EEA1: variants seen among roughly 807,000 people sequenced by gnomAD.
EEA1 encodes early endosome antigen 1, 162kD.
A neutral mutation model predicts 209.2 loss-of-function variants in EEA1; 111 were observed. The observed-to-expected ratio is 0.53, with a 90% confidence interval of 0.45 to 0.62. The LOEUF (loss-of-function observed/expected upper bound fraction) is 0.62. EEA1 is among the 20% of genes least tolerant of loss of function. The probability of loss-of-function intolerance (pLI) is 0.00; values close to 1 mark genes in which losing one functional copy is unlikely to be tolerated. For synonymous variants in EEA1, 536 were observed against 540.6 expected (o/e 0.99, Z 0.12); for missense variants, 1,343 against 1,530.8 (o/e 0.88, Z 2.05).
At chr12:92,886,795 G>T (rs1401511630) in intron 2 of EEA1, among the ~76,000 whole-genome samples, 1 of 151,926 alleles carries the variant, frequency 6.6e-6, no homozygotes, top group Non-Finnish European at 1.5e-5. Context: ...TCAGGAGATC[G>T]AGACCATCCT....
In EEA1 at chr12:92,811,869, A is replaced by T. The variant is rs189220131; in HGVS notation, c.2044-435T>A. 4.2e-3 allele frequency among the ~76,000 whole-genome samples: 636 copies of T among 152,052 alleles called. 4 individuals are homozygous for T. The highest frequency in any genetic ancestry group is 0.013 in the African/African-American group (558 of 41,500). Reference sequence around the variant, plus strand: ...GAATATCCAGTTGCACAAAAAAAAAAAAATAAAATAAAAATTACTAGTAAA... The same window carrying T: ...GAATATCCAGTTGCACAAAAAAAAATAAATAAAATAAAAATTACTAGTAAA... On this transcript the variant is annotated intron_variant, in intron 16 of 28. Transcript: ENST00000322349.
chr12:92,908,695 T>C (rs1880470204), intron 1 of EEA1, among the ~76,000 whole-genome samples: 1 of 152,200 alleles, frequency 6.6e-6, no homozygotes, highest in African/African-American at 2.4e-5. Flanking sequence ...TATTTATGTA[T>C]ATTTTAGCAA....
At chr12:92,792,839 T>C (rs1194444294) in intron 21 of EEA1, among the ~76,000 whole-genome samples, 2 of 152,164 alleles carry the variant, frequency 1.3e-5, no homozygotes, top group Non-Finnish European at 2.9e-5. Flanking sequence ...AAAAGAGAAT[T>C]TGAGGTCAAT....
At chr12:92,897,206 T>C (rs1879921737) in intron 1 of EEA1, among the ~76,000 whole-genome samples, 1 of 152,204 alleles carries the variant, frequency 6.6e-6, no homozygotes, top group East Asian at 1.9e-4. Flanking sequence ...CCCTTTGACC[T>C]TTCCTTTGAC....
At chr12:92,917,737 C>A (rs1404191950) in intron 1 of EEA1, among the ~76,000 whole-genome samples, 2 of 130,304 alleles carry the variant, frequency 1.5e-5, no homozygotes, top group Admixed American at 8.0e-5. Context: ...CAAATTCACA[C>A]ATAACAATAT....
chr12:92,811,448 C>A lies in EEA1; in HGVS notation c.2044-14G>T. 1 of 1,515,316 alleles carries A rather than the reference C, an allele frequency of 6.6e-7. No homozygotes were observed. The highest frequency in any genetic ancestry group is 8.8e-7 in the Non-Finnish European group (1 of 1,137,304). The allele number at this position is 1,515,316 out of a possible 1,614,324, so 93.9% of individuals were successfully genotyped here. ...CTTATTTAACTCCTTTAGAAAAGTA[C>A]AATTGAAGAAAACTTTGGTAAGGTT... On this transcript the variant is annotated splice_polypyrimidine_tract_variant and intron_variant, in intron 16 of 28. Coordinates refer to ENST00000322349, the MANE Select transcript of EEA1 (RefSeq NM_003566.4).
At chr12:92,810,170 T>C (rs980340969) in intron 17 of EEA1, among the ~76,000 whole-genome samples, 2 of 152,202 alleles carry the variant, frequency 1.3e-5, no homozygotes, top group African/African-American at 4.8e-5. Flanking sequence ...TATAAACTGA[T>C]TGGTATCTGT....
chr12:92,776,978 T>C, intron 27 of EEA1, 36 bp from the exon 28 acceptor site: 1 of 1,591,218 alleles, frequency 6.3e-7, no homozygotes, highest in Non-Finnish European at 8.6e-7. Context: ...ATTATAGTAT[T>C]CAACATTTTA....
At position 92,807,308 on chromosome 12, in the gene EEA1, G is replaced by A. The variant is rs556255854; in HGVS notation, c.2339+1709C>T. 4.6e-5 allele frequency among the ~76,000 whole-genome samples: 7 copies of A among 152,126 alleles called. No homozygotes were observed. In the South Asian group the frequency reaches 1.2e-3, roughly 27 times the overall value. On this transcript the variant is annotated intron_variant, in intron 18 of 28. Coordinates refer to ENST00000322349, the MANE Select transcript of EEA1 (RefSeq NM_003566.4). ...AGGTAATGTCTTCAATCTGATAAAG[G>A]GAATCTCAGAAAAACCTACAGCTAA...
intron 17 of EEA1, 37 bp downstream of exon 17, chr12:92,811,242 A>G (rs201979835): frequency 3.0e-6 from 4 of 1,340,888 alleles, no homozygotes; most frequent in African/African-American, 3.0e-5. Context: ...CTACTGAAGT[A>G]GAAAATATGA....
chr12:92,832,926 G>T, intron 10 of EEA1, 76 bp from the exon 11 acceptor site: 1 of 1,053,764 alleles, frequency 9.5e-7, no homozygotes, highest in Non-Finnish European at 1.3e-6. Context: ...AATCTTTGGA[G>T]CAGTACTGTC....
intron 2 of EEA1, among the ~76,000 whole-genome samples, chr12:92,886,389 AG>A (rs1879388977): frequency 5.4e-5 from 1 of 18,534 alleles, no homozygotes; most frequent in Non-Finnish European, 9.9e-5. Flanking sequence ...AGGCGAGGAG[AG>A]GGGAGGGGAG....
At chr12:92,787,232 G>A (rs1874174310) in intron 22 of EEA1, among the ~76,000 whole-genome samples, 1 of 152,020 alleles carries the variant, frequency 6.6e-6, no homozygotes, top group African/African-American at 2.4e-5. Flanking sequence ...AAAAAAACTG[G>A]CTGAATCCTC....
chr12:92,781,958 T>C lies in EEA1; in HGVS notation c.3328A>G (p.Lys1110Glu). The part of the protein sequence containing the change: ...ERCKALQDIQ[K>E]EKSLKEKELV... ...TCAGAAACATGCAATACCTTTTCTT[T>C]CTGAATGTCTTGTAGTGCTTTACAT... The change falls in exon 23 of 29, where the codon AAA becomes GAA. Residue 1110 changes from lysine to glutamate, a missense_variant. Lys to Glu is a moderately conservative substitution (Grantham distance 56). Transcript: ENST00000322349. The C allele has an allele frequency of 6.2e-7, 1 of 1,605,442 alleles. No homozygotes were observed.
intron 3 of EEA1, chr12:92,858,421 C>T (rs1303485791): frequency 1.6e-6 from 2 of 1,220,948 alleles, no homozygotes; most frequent in Admixed American, 3.4e-5. Flanking sequence ...GAGCAACAGT[C>T]ACCAGATATT....
chr12:92,898,496 T>C (rs781067975), intron 1 of EEA1, among the ~76,000 whole-genome samples: 10 of 151,958 alleles, frequency 6.6e-5, no homozygotes, highest in Non-Finnish European at 1.3e-4. Context: ...AAACCTCATC[T>C]CTACTAAAAA....
At chr12:92,850,713 A>AG (rs1001992701) in intron 9 of EEA1, among the ~76,000 whole-genome samples, 21 of 150,872 alleles carry the variant, frequency 1.4e-4, no homozygotes, top group African/African-American at 5.1e-4. Context: ...AAAAAAAAAA[A>AG]AAAGAAATAA....
intron 9 of EEA1, among the ~76,000 whole-genome samples, chr12:92,843,925 T>C (rs1877285811): frequency 6.6e-6 from 1 of 152,116 alleles, no homozygotes; most frequent in African/African-American, 2.4e-5. Context: ...CATTGGCTGA[T>C]CTTCTTTTGG....
intron 21 of EEA1, 88 bp downstream of exon 21, chr12:92,798,804 G>T (rs949744988): frequency 1.0e-5 from 10 of 1,003,616 alleles, no homozygotes; most frequent in Non-Finnish European, 1.2e-5. Flanking sequence ...TTTCAATGTT[G>T]CAACTTATCC....
Sources: allele counts gnomAD v4.1 joint callset (sites outside exome capture counted in the v4.1 genomes callset), GRCh38; gene constraint gnomAD v4.1.1; transcripts MANE v1.5; gene names NCBI Gene and HGNC (gene_info 2026-07-23, HGNC 2026-07-21).